ASH1L: variants seen among roughly 807,000 people sequenced by gnomAD.
ASH1L encodes the protein ASH1 like histone lysine methyltransferase.
ASH1L carries 23 observed loss-of-function variants against 269.0 expected under a neutral mutation model. The observed-to-expected ratio is 0.09, with a 90% CI of 0.06 to 0.12. The LOEUF (loss-of-function observed/expected upper bound fraction) is 0.12. Ranked by LOEUF, ASH1L falls within the 10% of genes least tolerant of loss-of-function variation. The probability of loss-of-function intolerance (pLI) is 1.00; values close to 1 mark genes in which losing one functional copy is unlikely to be tolerated. For synonymous variants in ASH1L, 1,187 were observed against 1,253.5 expected (o/e 0.95, Z 1.12); for missense variants, 2,912 against 3,567.8 (o/e 0.82, Z 4.68).
rs1229672429 is a variant in ASH1L at position 155,562,424 on chromosome 1, G to C, written c.-371C>G. 5 of 1,480,428 alleles carry C rather than the reference G, an allele frequency of 3.4e-6. No homozygotes were observed. The highest frequency in any genetic ancestry group is 1.4e-5 in the African/African-American group (1 of 71,610). 91.7% of individuals were successfully genotyped at this position (1,480,428 alleles called of 1,614,324 possible). On this transcript the variant is annotated 5_prime_UTR_variant, in exon 1 of 28. Coordinates refer to ENST00000392403, the MANE Select transcript of ASH1L (RefSeq NM_018489.3). ...CAAAGCGAACCCAAAATGGCGGCGG[G>C]AGCGGCGGCGGCGGCGGCGGCAGCA...
intron 5 of ASH1L, chr1:155,433,054 TGTCA>T: frequency 9.4e-7 from 1 of 1,066,704 alleles, no homozygotes; most frequent in Non-Finnish European, 1.3e-6. Context: ...TCATCCTCCT[TGTCA>T]GTGTTTTAAA....
rs200809733 is a variant in ASH1L, at chr1:155,468,240, T to TG, written c.4985-8343_4985-8342insC. The stretch of plus-strand genomic sequence containing the variant: ...CTTTATTATTATTATTATTTTTTTT[T>TG]TCTGCTTAGATTTAACACATTCTAT... On this transcript the variant is annotated intron_variant, in intron 3 of 27. Coordinates refer to ENST00000392403, the MANE Select transcript of ASH1L (RefSeq NM_018489.3). 2.0e-5 allele frequency among the ~76,000 whole-genome samples: 3 copies of TG among 151,548 alleles called. No homozygotes were observed. The East Asian group carries it at 5.8e-4, about 29-fold the overall frequency.
At chr1:155,544,173 G>C (rs1323401974) in intron 1 of ASH1L, among the ~76,000 whole-genome samples, 1 of 151,640 alleles carries the variant, frequency 6.6e-6, no homozygotes. Flanking sequence ...CAAAGTGCTG[G>C]GATTACAGGT....
chr1:155,406,225 G>C (rs201094195), intron 6 of ASH1L, among the ~76,000 whole-genome samples: 1 of 135,752 alleles, frequency 7.4e-6, no homozygotes, highest in Non-Finnish European at 1.6e-5. Context: ...AAAAAAAAAA[G>C]ATGACAAAAC....
At chr1:155,496,961 T>C (rs538739732) in intron 2 of ASH1L, among the ~76,000 whole-genome samples, 1 of 152,276 alleles carries the variant, frequency 6.6e-6, no homozygotes, top group East Asian at 1.9e-4. Flanking sequence ...TTAGATTTTC[T>C]ATTCGGCGTC....
At chr1:155,465,098 C>T (rs72993463) in intron 3 of ASH1L, among the ~76,000 whole-genome samples, 235 of 151,890 alleles carry the variant, frequency 1.5e-3, no homozygotes, top group African/African-American at 5.5e-3. Flanking sequence ...TTTACAGATG[C>T]CTGGGTGTGA....
chr1:155,443,230 T>C (rs956862099), intron 4 of ASH1L, among the ~76,000 whole-genome samples: 2 of 152,184 alleles, frequency 1.3e-5, no homozygotes, highest in African/African-American at 4.8e-5. Flanking sequence ...AATCCATGAA[T>C]ATCAGTTTAA....
intron 6 of ASH1L, among the ~76,000 whole-genome samples, chr1:155,400,319 G>A (rs551954582): frequency 2.7e-5 from 4 of 149,984 alleles, no homozygotes; most frequent in African/African-American, 7.4e-5. Flanking sequence ...GTGATAGAGC[G>A]AGACTGTCTC....
chr1:155,531,548 GA>G (rs1355444079), intron 1 of ASH1L, among the ~76,000 whole-genome samples: 2 of 150,756 alleles, frequency 1.3e-5, no homozygotes, highest in South Asian at 2.1e-4. Context: ...TTTTAAAAAT[GA>G]AAAAAAATTA....
intron 8 of ASH1L, among the ~76,000 whole-genome samples, chr1:155,378,917 G>A (rs1193402819): frequency 6.6e-6 from 1 of 152,018 alleles, no homozygotes; most frequent in Admixed American, 6.6e-5. Flanking sequence ...ACATGCATAG[G>A]ACTTACTTAG....
At chr1:155,424,468 T>C (rs1008518709) in intron 5 of ASH1L, among the ~76,000 whole-genome samples, 1 of 151,896 alleles carries the variant, frequency 6.6e-6, no homozygotes, top group Non-Finnish European at 1.5e-5. Flanking sequence ...AGTGAGATGG[T>C]GCGATCTCGG....
At chr1:155,385,725 G>T (rs1657373947) in intron 7 of ASH1L, among the ~76,000 whole-genome samples, 1 of 152,152 alleles carries the variant, frequency 6.6e-6, no homozygotes, top group African/African-American at 2.4e-5. Context: ...TATGAAATTT[G>T]TATTTTAGCT....
At chr1:155,359,875 G>C (rs1476023083) in intron 13 of ASH1L, among the ~76,000 whole-genome samples, 1 of 150,998 alleles carries the variant, frequency 6.6e-6, no homozygotes, top group East Asian at 2.0e-4. Flanking sequence ...CATTGCGCCT[G>C]ACCTCCCATA....
rs374777454 is a variant in ASH1L, at chr1:155,533,294, AATCAGC to A, written c.-99-11682_-99-11677del. On this transcript the variant is annotated intron_variant, in intron 1 of 27. Transcript: ENST00000392403. ...ATATATTATCTCATTTAAGGCTCACAATCAGCATGCGGTAGTTACTATTATTATTCC... is the reference window on the plus strand; with the variant it reads ...ATATATTATCTCATTTAAGGCTCACAATGCGGTAGTTACTATTATTATTCC... 4.5e-3 allele frequency among the ~76,000 whole-genome samples: 684 copies of A among 152,192 alleles called. 2 individuals carry two copies. The highest frequency in any genetic ancestry group is 7.7e-3 in the Non-Finnish European group (522 of 68,016).
At chr1:155,454,088 G>C (rs775453913) in intron 4 of ASH1L, among the ~76,000 whole-genome samples, 1 of 152,164 alleles carries the variant, frequency 6.6e-6, no homozygotes, top group African/African-American at 2.4e-5. Context: ...CTGAGCGACG[G>C]AGCAAGACTC....
chr1:155,497,448 A>G (rs919497016), intron 2 of ASH1L, among the ~76,000 whole-genome samples: 5 of 152,224 alleles, frequency 3.3e-5, no homozygotes, highest in African/African-American at 1.2e-4. Flanking sequence ...TTCAAAATGA[A>G]GACGATAAGG....
intron 3 of ASH1L, among the ~76,000 whole-genome samples, chr1:155,473,817 A>G (rs1665310679): frequency 6.6e-6 from 1 of 152,092 alleles, no homozygotes; most frequent in South Asian, 2.1e-4. Context: ...TTATTAAGAC[A>G]TTTAGTCTTA....
intron 3 of ASH1L, among the ~76,000 whole-genome samples, chr1:155,470,069 G>A (rs551487173): frequency 9.2e-5 from 14 of 152,118 alleles, no homozygotes; most frequent in East Asian, 7.7e-4. Context: ...ATTATTCTTC[G>A]CTGCTAAATT....
intron 2 of ASH1L, among the ~76,000 whole-genome samples, chr1:155,512,515 G>C (rs1668230109): frequency 8.0e-6 from 1 of 125,464 alleles, no homozygotes; most frequent in South Asian, 2.9e-4. Flanking sequence ...GCAGTAGTGT[G>C]ATCTCGGCTC....
Sources: gnomAD v4.1 joint callset for allele counts (sites outside exome capture counted in the v4.1 genomes callset) on GRCh38, gnomAD v4.1.1 for gene constraint, MANE v1.5 for transcripts, NCBI Gene and HGNC (gene_info 2026-07-23, HGNC 2026-07-21) for gene names.